Variants in PIK3CB observed in about 807,000 individuals in gnomAD.
PIK3CB encodes the protein phosphatidylinositol-4,5-bisphosphate 3-kinase catalytic subunit beta.
Under a neutral mutation model 136.8 loss-of-function variants are expected in PIK3CB, and 39 were observed. The observed-to-expected ratio is 0.29, with a 90% CI of 0.22 to 0.37. PIK3CB has a LOEUF of 0.37. Ranked by LOEUF, PIK3CB falls within the 10% of genes least tolerant of loss-of-function variation. The pLI, the probability that PIK3CB is intolerant of heterozygous loss-of-function variation, is 1.00. For synonymous variants in PIK3CB, 428 were observed against 436.6 expected (o/e 0.98, Z 0.25); for missense variants, 868 against 1,275.4 (o/e 0.68, Z 4.87).
At chr3:138,766,433 A>G (rs762621028) in intron 2 of PIK3CB, among the ~76,000 whole-genome samples, 1 of 152,192 alleles carries the variant, frequency 6.6e-6, no homozygotes, top group Non-Finnish European at 1.5e-5. Context: ...ATGTCTTAAA[A>G]TTTTTTTAAT....
At chr3:138,757,520 C>G (rs1267945561) in intron 3 of PIK3CB, among the ~76,000 whole-genome samples, 4 of 125,252 alleles carry the variant, frequency 3.2e-5, no homozygotes, top group Middle Eastern at 3.8e-3. Flanking sequence ...CACACACACA[C>G]AGAAAATATG....
intron 1 of PIK3CB, among the ~76,000 whole-genome samples, chr3:138,810,844 C>CCGG (rs1933004692): frequency 2.6e-5 from 4 of 151,392 alleles, no homozygotes; most frequent in African/African-American, 9.7e-5. Flanking sequence ...GGCATGAACC[C>CCGG]GGGAAGCGGA....
In PIK3CB at chr3:138,805,840, C is replaced by T. The variant is rs546107720; in HGVS notation, c.-121-9273G>A. ...CCCATCCCCGGTCCAAGCGATTCTC[C>T]TGCCTCAGCTTCCTGAGTAGCTGGG... On this transcript the variant is annotated intron_variant, in intron 1 of 23. Coordinates refer to ENST00000674063, the MANE Select transcript of PIK3CB (RefSeq NM_006219.3). 3.7e-3 allele frequency among the ~76,000 whole-genome samples: 567 copies of T among 151,766 alleles called. 5 individuals carry two copies. Among genetic ancestry groups the T allele is most frequent in the African/African-American group, 0.013 (544 of 41,448 alleles).
chr3:138,725,383 C>T (rs2044815792), intron 8 of PIK3CB, among the ~76,000 whole-genome samples: 1 of 152,082 alleles, frequency 6.6e-6, no homozygotes, highest in South Asian at 2.1e-4. Context: ...GCTGACTTTG[C>T]CGATAATCTA....
chr3:138,705,192 A>AAAAAAAAAAAAAAAAAAAAT (rs1559828803), intron 11 of PIK3CB, among the ~76,000 whole-genome samples: 1 of 138,314 alleles, frequency 7.2e-6, no homozygotes, highest in Non-Finnish European at 1.5e-5. Context: ...AAAACAAACA[A>AAAAAAAAAAAAAAAAAAAAT]AAAAAAAAAC....
chr3:138,694,931 C>T lies in PIK3CB; in HGVS notation c.1771-24G>A, dbSNP rs773689604. 3 of 1,587,310 alleles carry T rather than the reference C, an allele frequency of 1.9e-6. No individual in the cohort carries two copies. The African/African-American group carries it at 4.1e-5, about 22-fold the overall frequency. The stretch of plus-strand genomic sequence containing the variant: ...AGCTGTTTAAAAAATGAAACTGGTT[C>T]AGAAATAATGGGGGACAAAAGTAAT... On this transcript the variant is annotated intron_variant, in intron 13 of 23. Coordinates refer to ENST00000674063, the MANE Select transcript of PIK3CB (RefSeq NM_006219.3).
chr3:138,683,583 TAC>T, intron 18 of PIK3CB, 93 bp downstream of exon 18: 1 of 712,772 alleles, frequency 1.4e-6, no homozygotes, highest in South Asian at 1.7e-5. Flanking sequence ...TGCAAATTGT[TAC>T]ACACTTACAC....
chr3:138,790,176 G>T (rs2108812297), intron 2 of PIK3CB, among the ~76,000 whole-genome samples: 1 of 152,248 alleles, frequency 6.6e-6, no homozygotes, highest in Non-Finnish European at 1.5e-5. Flanking sequence ...GTTTCTCAGG[G>T]ACTAAAGAAG....
chr3:138,690,896 G>T, intron 15 of PIK3CB, 104 bp downstream of exon 15: 1 of 858,240 alleles, frequency 1.2e-6, no homozygotes, highest in Non-Finnish European at 1.8e-6. Context: ...GTTATAAACG[G>T]TTCAGAAAAA....
At chr3:138,707,927 G>A (rs939040815) in intron 10 of PIK3CB, among the ~76,000 whole-genome samples, 6 of 152,116 alleles carry the variant, frequency 3.9e-5, no homozygotes, top group Non-Finnish European at 7.3e-5. Flanking sequence ...TAGAATTTCA[G>A]TGTAGTTAGA....
At chr3:138,737,644 A>AATATATATAT (rs372468230) in intron 6 of PIK3CB, 63 bp downstream of exon 6, 7 of 462,928 alleles carry the variant, frequency 1.5e-5, no homozygotes, top group Non-Finnish European at 2.3e-5. Context: ...TCAGAAATAA[A>AATATATATAT]ATATATATAT....
rs745705347 is a variant in PIK3CB at position 138,684,706 on chromosome 3, C to T, written c.2234G>A (p.Cys745Tyr). The T allele has an allele frequency of 1.2e-6, 2 of 1,613,944 alleles. No homozygotes were observed. The highest frequency in any genetic ancestry group is 3.3e-5 in the Admixed American group (2 of 60,024). Residue 745 changes from cysteine (C) to tyrosine (Y), a missense_variant, in exon 17 of 24, where the codon TGT becomes TAT. By Grantham distance (194) the Cys-to-Tyr change is radical. Around this residue, in one of 4 missense-constraint regions of PIK3CB, gnomAD observed 165 missense variants for 295.4 expected, o/e 0.56. Transcript: ENST00000674063. The stretch of plus-strand genomic sequence containing the variant: ...TTCCCGGTAAGCACTCTGTTTTAAA[C>T]AGGTATGCATGGCCTCCTTCCCTTT... ...RAKGKEAMHTCLKQSAYREAL... is the reference protein window; with the variant it reads ...RAKGKEAMHTYLKQSAYREAL...
At chr3:138,784,052 G>C (rs2045947709) in intron 2 of PIK3CB, among the ~76,000 whole-genome samples, 1 of 152,150 alleles carries the variant, frequency 6.6e-6, no homozygotes, top group Non-Finnish European at 1.5e-5. Context: ...CTTCCAAAGG[G>C]AGTTTAGCAT....
At chr3:138,664,165 G>A in intron 20 of PIK3CB, 136 bp from the exon 21 acceptor site, 1 of 986,214 alleles carries the variant, frequency 1.0e-6, no homozygotes. Flanking sequence ...GAGAGAACAT[G>A]TGGATCAGCC....
intron 18 of PIK3CB, among the ~76,000 whole-genome samples, chr3:138,683,336 A>AGTGAGACCCT (rs1346832469): frequency 1.3e-5 from 2 of 149,984 alleles, no homozygotes; most frequent in Non-Finnish European, 1.5e-5. Flanking sequence ...GCTGGGTGAC[A>AGTGAGACCCT]GTGAGACCCT....
intron 1 of PIK3CB, among the ~76,000 whole-genome samples, chr3:138,829,256 T>A (rs1258149114): frequency 3.9e-5 from 6 of 151,964 alleles, no homozygotes; most frequent in Non-Finnish European, 7.4e-5. Context: ...ATCTCTATTT[T>A]AAAAATAAAA....
At chr3:138,756,449 T>C (rs1480726343) in intron 3 of PIK3CB, among the ~76,000 whole-genome samples, 3 of 152,168 alleles carry the variant, frequency 2.0e-5, no homozygotes, top group Non-Finnish European at 4.4e-5. Flanking sequence ...ATTTAAAGTA[T>C]GTATCACCAC....
Position 138,683,686 on chromosome 3 carries a change from T to C in PIK3CB, c.2417A>G (p.Asn806Ser), listed in dbSNP as rs2043826472. ...GEDSVGVIFK[N>S]GDDLRQDMLT... Reference sequence around the variant, plus strand: ...AAAATCTCAGTACTTACCATCACCATTTTTAAAAATCACTCCAACTGAATC... The same window carrying C: ...AAAATCTCAGTACTTACCATCACCACTTTTAAAAATCACTCCAACTGAATC... Residue 806 changes from asparagine (N) to serine (S), a missense_variant, in exon 18 of 24, where the codon AAT becomes AGT. Asn to Ser is a conservative substitution (Grantham distance 46). This residue lies in a region of PIK3CB where 165 missense variants were observed against 295.4 expected (regional missense o/e 0.56). Coordinates refer to ENST00000674063, the MANE Select transcript of PIK3CB (RefSeq NM_006219.3). 1 of 1,512,690 alleles carries C rather than the reference T, an allele frequency of 6.6e-7. No individual in the cohort carries two copies. The allele number at this position is 1,512,690 out of a possible 1,614,324, so 93.7% of individuals were successfully genotyped here.
intron 1 of PIK3CB, among the ~76,000 whole-genome samples, chr3:138,798,584 G>A (rs2046135334): frequency 6.6e-6 from 1 of 152,134 alleles, no homozygotes; most frequent in Non-Finnish European, 1.5e-5. Flanking sequence ...ATAGAAACAA[G>A]GTAGCTGAGG....
Sources: gnomAD v4.1 joint callset for allele counts (sites outside exome capture counted in the v4.1 genomes callset) on GRCh38, gnomAD v4.1.1 for gene constraint, gnomAD v4.1.1 regional missense constraint, MANE v1.5 for transcripts, NCBI Gene and HGNC (gene_info 2026-07-23, HGNC 2026-07-21) for gene names.